CCDC60: variants seen among roughly 807,000 people sequenced by gnomAD.
The protein encoded by CCDC60 is coiled-coil domain containing 60.
A neutral mutation model predicts 63.5 loss-of-function variants in CCDC60; 54 were observed. The ratio of observed to expected loss-of-function variants is 0.85; its 90% CI spans 0.68 to 1.07. The LOEUF (loss-of-function observed/expected upper bound fraction) is 1.07. Ranked by LOEUF, CCDC60 falls within the 50% of genes least tolerant of loss-of-function variation. The pLI, the probability that CCDC60 is intolerant of heterozygous loss-of-function variation, is 0.00. For missense variants in CCDC60, 651 were observed against 684.3 expected (o/e 0.95, Z 0.54); for synonymous variants, 206 against 238.8 (o/e 0.86, Z 1.27).
At chr12:119,374,018 C>A (rs956332023) in intron 1 of CCDC60, among the ~76,000 whole-genome samples, 3 of 151,680 alleles carry the variant, frequency 2.0e-5, no homozygotes, top group African/African-American at 7.3e-5. Context: ...TGACAGAACA[C>A]CAGCTCTTGC....
rs565145429 is a variant in CCDC60, at chr12:119,450,279, G to A, written c.170+21517G>A. On this transcript the variant is annotated intron_variant, in intron 2 of 13. Coordinates refer to ENST00000327554, the MANE Select transcript of CCDC60 (RefSeq NM_178499.5). ...AGGAAGGGTGGGAGGGTGGGAGGAGGGCTAGGGATGAGAAATTACTGGGTA... is the reference window on the plus strand; with the variant it reads ...AGGAAGGGTGGGAGGGTGGGAGGAGAGCTAGGGATGAGAAATTACTGGGTA... Among the ~76,000 whole-genome samples the A allele has an allele frequency of 3.3e-5, 5 of 152,120 alleles. No individual in the cohort carries two copies. In the South Asian group the frequency reaches 8.3e-4, roughly 25 times the overall value.
Position 119,540,749 on chromosome 12 carries a change from G to C in CCDC60, c.*34G>C. ...TGGGTTGACCAGCTGTCTCAGTGGA[G>C]GAGTGTTTGCCTATATCATGTTCCT... On this transcript the variant is annotated 3_prime_UTR_variant, in exon 14 of 14. Coordinates refer to ENST00000327554, the MANE Select transcript of CCDC60 (RefSeq NM_178499.5). The C allele has an allele frequency of 6.9e-7, 1 of 1,441,754 alleles. No homozygotes were observed. Among genetic ancestry groups the C allele is most frequent in the Non-Finnish European group, 9.7e-7 (1 of 1,026,868 alleles). The allele number at this position is 1,441,754 out of a possible 1,614,324, so 89.3% of individuals were successfully genotyped here. A position where few individuals can be genotyped will look rare whatever the true frequency, so the allele number is the denominator to read the frequency against.
At chr12:119,374,139 G>C (rs1218514747) in intron 1 of CCDC60, among the ~76,000 whole-genome samples, 1 of 152,066 alleles carries the variant, frequency 6.6e-6, no homozygotes, top group Non-Finnish European at 1.5e-5. Context: ...AAAAGCTCTG[G>C]GTTCTAATCC....
chr12:119,535,283 C>T (rs1464025566), intron 13 of CCDC60, among the ~76,000 whole-genome samples: 4 of 152,040 alleles, frequency 2.6e-5, no homozygotes, highest in Middle Eastern at 3.4e-3. Flanking sequence ...TTTTTTATTG[C>T]GTCTATTTGA....
intron 2 of CCDC60, among the ~76,000 whole-genome samples, chr12:119,451,994 A>T (rs1422913883): frequency 6.6e-6 from 1 of 152,228 alleles, no homozygotes; most frequent in East Asian, 1.9e-4. Context: ...GATCAAAAAT[A>T]GCATTAGGTC....
At chr12:119,450,209 G>T (rs1159633378) in intron 2 of CCDC60, among the ~76,000 whole-genome samples, 1 of 136,682 alleles carries the variant, frequency 7.3e-6, no homozygotes, top group Admixed American at 7.7e-5. Flanking sequence ...GCTAAACAAT[G>T]TGCACACATG....
Position 119,540,894 on chromosome 12 carries a change from C to A in CCDC60, c.*179C>A. The A allele has an allele frequency of 1.8e-6, 1 of 550,326 alleles. No homozygotes were observed. The highest frequency in any genetic ancestry group is 3.4e-5 in the Admixed American group (1 of 29,084). 34.1% of individuals were successfully genotyped at this position (550,326 alleles called of 1,614,324 possible). A position where few individuals can be genotyped will look rare whatever the true frequency, so the allele number is the denominator to read the frequency against. ...CAACATTTTTAGAGGGGGATGGCCCCGGTGGCCCTCCCCTCAATTCCACAC... is the reference window on the plus strand; with the variant it reads ...CAACATTTTTAGAGGGGGATGGCCCAGGTGGCCCTCCCCTCAATTCCACAC... On this transcript the variant is annotated 3_prime_UTR_variant, in exon 14 of 14. Coordinates refer to ENST00000327554, the MANE Select transcript of CCDC60 (RefSeq NM_178499.5).
At chr12:119,504,119 GA>G (rs1423685527) in intron 6 of CCDC60, among the ~76,000 whole-genome samples, 1 of 151,922 alleles carries the variant, frequency 6.6e-6, no homozygotes, top group Admixed American at 6.6e-5. Flanking sequence ...CGATGTCACT[GA>G]AAAAAAACTT....
At position 119,360,145 on chromosome 12, in the gene CCDC60, G is replaced by A. The variant is rs1352181050; in HGVS notation, c.90+24879G>A. ...GCACCCCTCACCTCCCGGACGGGGC[G>A]GCTGGCCGGGCGGGGGGCTGACCCC... On this transcript the variant is annotated intron_variant, in intron 1 of 13. Transcript: ENST00000327554. Among the ~76,000 whole-genome samples the A allele has an allele frequency of 1.7e-4, 26 of 151,092 alleles. No individual in the cohort carries two copies. In the East Asian group the frequency reaches 2.4e-3, roughly 14 times the overall value.
At position 119,487,735 on chromosome 12, in the gene CCDC60, G is replaced by C. The variant is rs151198572; in HGVS notation, c.450-1024G>C. ...GTGCATAATAATTCATACTCCAGCAGGTTGTAGGAAGAATTAAATAATGTG... is the reference window on the plus strand; with the variant it reads ...GTGCATAATAATTCATACTCCAGCACGTTGTAGGAAGAATTAAATAATGTG... On this transcript the variant is annotated intron_variant, in intron 4 of 13. Coordinates refer to ENST00000327554, the MANE Select transcript of CCDC60 (RefSeq NM_178499.5). Among the ~76,000 whole-genome samples the C allele has an allele frequency of 1.5e-4, 23 of 152,286 alleles. No individual in the cohort carries two copies. The East Asian group carries it at 4.1e-3, about 27-fold the overall frequency.
At chr12:119,519,217 C>T (rs1169860816) in intron 8 of CCDC60, among the ~76,000 whole-genome samples, 1 of 152,158 alleles carries the variant, frequency 6.6e-6, no homozygotes, top group Non-Finnish European at 1.5e-5. Flanking sequence ...CAAGCCAGCA[C>T]ATCCAGCCCC....
At chr12:119,505,370 C>A in intron 7 of CCDC60, 67 bp downstream of exon 7, 3 of 1,061,616 alleles carry the variant, frequency 2.8e-6, no homozygotes, top group Non-Finnish European at 4.2e-6. Context: ...CATCAAGAAA[C>A]CCTCCTGCCT....
chr12:119,358,752 T>C (rs1955743093), intron 1 of CCDC60, among the ~76,000 whole-genome samples: 1 of 152,258 alleles, frequency 6.6e-6, no homozygotes, highest in South Asian at 2.1e-4. Flanking sequence ...GATTCACTTA[T>C]ATTTTTGTGC....
intron 3 of CCDC60, among the ~76,000 whole-genome samples, chr12:119,475,991 T>C (rs1951169007): frequency 6.6e-6 from 1 of 152,204 alleles, no homozygotes; most frequent in African/African-American, 2.4e-5. Flanking sequence ...ATCACAAAAG[T>C]ATAAAAAATA....
intron 1 of CCDC60, among the ~76,000 whole-genome samples, chr12:119,344,129 C>G (rs1408351417): frequency 6.6e-6 from 1 of 152,124 alleles, no homozygotes; most frequent in Non-Finnish European, 1.5e-5. Flanking sequence ...ACATTTGAGG[C>G]CAGATAGGCT....
rs1347289272 is a variant in CCDC60 at position 119,456,017 on chromosome 12, A to AAG, written c.171-15975_171-15974dup. Among the ~76,000 whole-genome samples the AAG allele has an allele frequency of 2.7e-5, 3 of 110,688 alleles. No individual in the cohort carries two copies. The highest frequency in any genetic ancestry group is 1.8e-5 in the Non-Finnish European group (1 of 55,184). The allele number at this position is 110,688 out of a possible 152,430, so 72.6% of individuals were successfully genotyped here. ...AGAGAGAAAGAGAAAGAAAGAAAGA[A>AAG]AGAAAGAAAGAAAGAAAGAAAGAAA... On this transcript the variant is annotated intron_variant, in intron 2 of 13. Transcript: ENST00000327554. The surrounding 1 kb of genome is among the most constrained non-coding windows in gnomAD (Gnocchi z 4.6).
chr12:119,393,960 C>A (rs1956205663), intron 1 of CCDC60, among the ~76,000 whole-genome samples: 2 of 152,290 alleles, frequency 1.3e-5, no homozygotes, highest in East Asian at 3.9e-4. Context: ...TGTTTAACAG[C>A]CCTGATCATC....
Position 119,433,162 on chromosome 12 carries a change from A to AATCG in CCDC60, c.170+4400_170+4401insATCG, listed in dbSNP as rs1555241483. Among the ~76,000 whole-genome samples the AATCG allele has an allele frequency of 1.6e-4, 24 of 151,770 alleles. 1 individual carries two copies. The South Asian group carries it at 4.8e-3, about 30-fold the overall frequency. On this transcript the variant is annotated intron_variant, in intron 2 of 13. Transcript: ENST00000327554. ...TCAGGGCTCAGTTCCCCCGACAGAG[A>AATCG]GTTGTTAAACATTCACCAGCACACC... is the stretch of plus-strand genomic sequence containing the variant.
chr12:119,371,344 AAACTTCAGGG>A (rs1215004427), intron 1 of CCDC60, among the ~76,000 whole-genome samples: 2 of 152,222 alleles, frequency 1.3e-5, no homozygotes, highest in Admixed American at 6.5e-5. Flanking sequence ...TAAAGCCAGA[AAACTTCAGGG>A]ATTTTTCTCC....
Sources: allele counts gnomAD v4.1 joint callset (sites outside exome capture counted in the v4.1 genomes callset), GRCh38; gene constraint gnomAD v4.1.1; non-coding constraint Gnocchi (gnomAD v3.1); transcripts MANE v1.5; gene names NCBI Gene and HGNC (gene_info 2026-07-23, HGNC 2026-07-21).